Variants in CSF2RA observed in about 807,000 individuals in gnomAD.
CSF2RA encodes granulocyte-macrophage colony-stimulating factor receptor subunit alpha.
Under a neutral mutation model 51.6 loss-of-function variants are expected in CSF2RA, and 42 were observed. The ratio of observed to expected loss-of-function variants is 0.81; its 90% CI spans 0.64 to 1.05. CSF2RA has a LOEUF of 1.05. Among genes scored for constraint, CSF2RA ranks in the 50% least tolerant of loss-of-function variants. CSF2RA has a pLI of 0.00. For synonymous variants in CSF2RA, 222 were observed against 193.0 expected (o/e 1.15, Z -1.24); for missense variants, 530 against 501.1 (o/e 1.06, Z -0.55).
At chrX:1,314,440 A>AC (rs2084375599), downstream of CSF2RA, among the ~76,000 whole-genome samples, 2 of 143,332 alleles carry the variant, frequency 1.4e-5, no homozygotes, top group African/African-American at 2.8e-5. Flanking sequence ...ACCGCACTGC[A>AC]CTTGCCCAAT....
Position 1,279,652 on chromosome X carries a change from T to C in CSF2RA, c.-26-3026T>C, listed in dbSNP as rs1183850779. The stretch of plus-strand genomic sequence containing the variant: ...GGGGGAAGCGGCCACATCCCTGTCA[T>C]GTGGGCTACAGATGAGTTGGGGGGC... On this transcript the variant is annotated intron_variant, in intron 2 of 12. Transcript: ENST00000381529. Among the ~76,000 whole-genome samples, 4 of 151,940 alleles carry C rather than the reference T, an allele frequency of 2.6e-5. No homozygotes were observed. In the East Asian group the frequency reaches 5.8e-4, roughly 22 times the overall value.
intron 1 of CSF2RA, among the ~76,000 whole-genome samples, chrX:1,270,379 A>T (rs1407559430): frequency 1.3e-5 from 2 of 152,062 alleles, no homozygotes; most frequent in East Asian, 3.9e-4. Flanking sequence ...AGCTGGGTCA[A>T]AGGCAAATGC....
chrX:1,323,924 G>A, the CSF2RA span, among the ~76,000 whole-genome samples: 1 of 151,914 alleles, frequency 6.6e-6, no homozygotes, highest in Non-Finnish European at 1.5e-5. Flanking sequence ...TGAGGCAGGA[G>A]AATGGCGTGA....
At chrX:1,275,840 C>T (rs1317383326) in intron 2 of CSF2RA, among the ~76,000 whole-genome samples, 1 of 151,718 alleles carries the variant, frequency 6.6e-6, no homozygotes, top group East Asian at 1.9e-4. Flanking sequence ...TTACAGGCAC[C>T]CGCCACCACG....
chrX:1,280,343 C>CACAT (rs2089732317), intron 2 of CSF2RA, among the ~76,000 whole-genome samples: 1 of 151,596 alleles, frequency 6.6e-6, no homozygotes, highest in Non-Finnish European at 1.5e-5. Context: ...TAATGGCGGG[C>CACAT]GCCTATAATC....
At chrX:1,281,056 T>TCTCCTCCTCCTTCTCCTCCTCCTTCTC (rs2089952910) in intron 2 of CSF2RA, among the ~76,000 whole-genome samples, 1 of 9,860 alleles carries the variant, frequency 1.0e-4, no homozygotes. Context: ...CTGCTCCCCT[T>TCTCCTCCTCCTTCTCCTCCTCCTTCTC]CTCCTCCTCC....
chrX:1,317,996 CT>C, the CSF2RA span, among the ~76,000 whole-genome samples: 2 of 146,332 alleles, frequency 1.4e-5, no homozygotes, highest in African/African-American at 2.5e-5. Context: ...CTTTTTTTTT[CT>C]TTTTTTTGTG....
At chrX:1,304,201 G>T (rs1401942190) in intron 11 of CSF2RA, among the ~76,000 whole-genome samples, 182 bp downstream of exon 11, 1 of 91,806 alleles carries the variant, frequency 1.1e-5, no homozygotes, top group Admixed American at 1.1e-4. Context: ...GAGGTCAGGA[G>T]ATCGAGACCA....
At chrX:1,295,240 C>T (rs1213564644) in intron 8 of CSF2RA, among the ~76,000 whole-genome samples, 187 bp from the exon 9 acceptor site, 1 of 150,792 alleles carries the variant, frequency 6.6e-6, no homozygotes, top group Non-Finnish European at 1.5e-5. Context: ...AGGAAGACTT[C>T]TGTGTTTGCA....
chrX:1,309,549 A>G lies in CSF2RA; in HGVS notation c.*70A>G. 6.2e-7 allele frequency: 1 copy of G among 1,613,972 alleles called. No individual in the cohort carries two copies. Among genetic ancestry groups the G allele is most frequent in the Non-Finnish European group, 8.5e-7 (1 of 1,179,866 alleles). On this transcript the variant is annotated 3_prime_UTR_variant, in exon 13 of 13. Transcript: ENST00000381529. ...ACACGGGGGAACTGTTTTCTTGATG[A>G]TGCTGTGAACCTTTATATCATTTTC...
chrX:1,273,450 C>T (rs1193999875), intron 1 of CSF2RA, among the ~76,000 whole-genome samples: 3 of 151,834 alleles, frequency 2.0e-5, no homozygotes, highest in African/African-American at 7.3e-5. Flanking sequence ...AAATAGCTGG[C>T]GTAATATGCA....
At position 1,302,431 on chromosome X, in the gene CSF2RA, T is replaced by A. The variant is rs140612411; in HGVS notation, c.947-1492T>A. 6.2e-4 allele frequency among the ~76,000 whole-genome samples: 94 copies of A among 152,074 alleles called. No individual in the cohort carries two copies. The East Asian group carries it at 0.016, about 26-fold the overall frequency. ...CCCAGATCACACAGACAAAATGGGG[T>A]ACAGGGATGATCAGAGGTGCATTCG... On this transcript the variant is annotated intron_variant, in intron 10 of 12. Coordinates refer to ENST00000381529, the MANE Select transcript of CSF2RA (RefSeq NM_172245.4).
the CSF2RA span, among the ~76,000 whole-genome samples, chrX:1,321,235 C>T: frequency 4.9e-4 from 75 of 152,038 alleles, no homozygotes; most frequent in Non-Finnish European, 7.8e-4. Flanking sequence ...TTTGGGAGGC[C>T]GAGGCGGGTG....
intron 7 of CSF2RA, among the ~76,000 whole-genome samples, chrX:1,293,364 A>G (rs28451140): frequency 0.69 from 104,934 of 151,530 alleles, 36,457 homozygotes; most frequent in African/African-American, 0.76. Context: ...GACTACAGGC[A>G]CCCGCCACCA....
chrX:1,286,586 T>C (rs866777845), intron 4 of CSF2RA, among the ~76,000 whole-genome samples: 2 of 138,080 alleles, frequency 1.4e-5, no homozygotes, highest in African/African-American at 5.4e-5. Flanking sequence ...AAAAAAAAAA[T>C]AATAAATTCA....
chrX:1,275,450 C>A (rs1459695107), intron 2 of CSF2RA, among the ~76,000 whole-genome samples: 29 of 151,954 alleles, frequency 1.9e-4, no homozygotes, highest in African/African-American at 6.5e-4. Flanking sequence ...AGCAAGAAGG[C>A]CCAGGGAAAA....
downstream of CSF2RA, among the ~76,000 whole-genome samples, chrX:1,314,266 TGCGCCTGCCCAACCC>T (rs2084328867): frequency 8.8e-5 from 2 of 22,822 alleles, no homozygotes; most frequent in Non-Finnish European, 1.9e-4. Flanking sequence ...CCAACCCCAC[TGCGCCTGCCCAACCC>T]CACTGCATCT....
chrX:1,277,966 G>T (rs1416885421), intron 2 of CSF2RA, among the ~76,000 whole-genome samples: 1 of 118,146 alleles, frequency 8.5e-6, no homozygotes, highest in Non-Finnish European at 1.7e-5. Context: ...AACAGAATGA[G>T]ACTCAGTCTC....
At chrX:1,269,904 T>G (rs2088145748) in intron 1 of CSF2RA, among the ~76,000 whole-genome samples, 1 of 152,032 alleles carries the variant, frequency 6.6e-6, no homozygotes, top group Non-Finnish European at 1.5e-5. Flanking sequence ...GCTCAGGAGT[T>G]CGAGATCAGC....
Sources: allele counts gnomAD v4.1 joint callset (sites outside exome capture counted in the v4.1 genomes callset), GRCh38; gene constraint gnomAD v4.1.1; transcripts MANE v1.5; gene names NCBI Gene and HGNC (gene_info 2026-07-23, HGNC 2026-07-21).